Variants in CA10 observed in about 807,000 individuals in gnomAD.
The protein encoded by CA10 is carbonic anhydrase-related protein 10.
A neutral mutation model predicts 44.2 loss-of-function variants in CA10; 14 were observed. The observed-to-expected ratio is 0.32, with a 90% CI of 0.21 to 0.50. The LOEUF (loss-of-function observed/expected upper bound fraction) is 0.50, where lower values mean the gene tolerates loss of function less well. Among genes scored for constraint, CA10 ranks in the 20% least tolerant of loss-of-function variants. The probability of loss-of-function intolerance (pLI) is 0.99; values close to 1 mark genes in which losing one functional copy is unlikely to be tolerated. For synonymous variants in CA10, 159 were observed against 141.6 expected, an observed-to-expected ratio of 1.12 and a Z score of -0.87; for missense variants, 350 against 409.7, an observed-to-expected ratio of 0.85 and a Z score of 1.26.
chr17:51,717,829 G>GTGTGTA (rs1337266806), intron 4 of CA10, among the ~76,000 whole-genome samples: 1 of 7,920 alleles, frequency 1.3e-4, no homozygotes, highest in Non-Finnish European at 2.5e-4. Flanking sequence ...ATATGTGTGT[G>GTGTGTA]TATATATATA....
At chr17:51,889,875 T>C (rs1205014298) in intron 3 of CA10, among the ~76,000 whole-genome samples, 1 of 152,216 alleles carries the variant, frequency 6.6e-6, no homozygotes, top group Non-Finnish European at 1.5e-5. Context: ...TTTCATTAGC[T>C]GAACACCCAC....
chr17:52,112,969 T>A lies in CA10; in HGVS notation c.62-40576A>T, dbSNP rs542123208. Among the ~76,000 whole-genome samples the A allele has an allele frequency of 9.2e-5, 14 of 152,322 alleles. No individual in the cohort carries two copies. The South Asian group carries it at 2.9e-3, about 32-fold the overall frequency. On this transcript the variant is annotated intron_variant, in intron 1 of 8. Transcript: ENST00000451037. ...TTTTCCTCTCTTTATTCTTGGAAGA[T>A]GGCTTCAGTTAAAAAGCTCAAGCAG...
At chr17:51,884,601 G>A (rs963891265) in intron 3 of CA10, among the ~76,000 whole-genome samples, 14 of 152,040 alleles carry the variant, frequency 9.2e-5, no homozygotes, top group African/African-American at 2.9e-4. Flanking sequence ...CTGTATTTCC[G>A]AACCTTTTCA....
chr17:51,875,289 G>T (rs1306306077), intron 3 of CA10, among the ~76,000 whole-genome samples: 2 of 152,110 alleles, frequency 1.3e-5, no homozygotes, highest in Non-Finnish European at 2.9e-5. Flanking sequence ...GGGATTATGG[G>T]TATGAGGCAC....
chr17:51,648,892 G>A (rs560351707), intron 6 of CA10, among the ~76,000 whole-genome samples: 7 of 152,238 alleles, frequency 4.6e-5, no homozygotes, highest in East Asian at 1.9e-4. Context: ...ACGGTGGAGC[G>A]TGTCAGCCAG....
chr17:51,967,179 C>CA (rs1269152904), intron 2 of CA10, among the ~76,000 whole-genome samples: 1 of 151,134 alleles, frequency 6.6e-6, no homozygotes, highest in African/African-American at 2.4e-5. Context: ...ATTAAAAAGC[C>CA]AAAAAACAAT....
At chr17:52,038,464 A>T (rs1271496443) in intron 2 of CA10, among the ~76,000 whole-genome samples, 1 of 152,182 alleles carries the variant, frequency 6.6e-6, no homozygotes, top group Non-Finnish European at 1.5e-5. Context: ...TTCTGATACC[A>T]TGTTGCTTTT....
intron 3 of CA10, among the ~76,000 whole-genome samples, chr17:51,926,961 A>G (rs1256682095): frequency 1.3e-5 from 2 of 152,170 alleles, no homozygotes; most frequent in Non-Finnish European, 2.9e-5. Flanking sequence ...GAACATACGT[A>G]TTTTTCAGAT....
intron 2 of CA10, among the ~76,000 whole-genome samples, chr17:51,959,040 G>C (rs751582666): frequency 3.9e-5 from 6 of 151,912 alleles, no homozygotes; most frequent in Non-Finnish European, 1.5e-5. Flanking sequence ...TAATCCTCCA[G>C]CTTGGACTCT....
At chr17:51,795,848 A>T (rs1906684677) in intron 3 of CA10, among the ~76,000 whole-genome samples, 1 of 152,236 alleles carries the variant, frequency 6.6e-6, no homozygotes, top group Admixed American at 6.5e-5. Context: ...GAGTGTCCAC[A>T]TACTAATGCT....
At chr17:51,750,869 A>G (rs1800356215) in intron 3 of CA10, among the ~76,000 whole-genome samples, 1 of 152,222 alleles carries the variant, frequency 6.6e-6, no homozygotes. Flanking sequence ...TGTCTGTCTA[A>G]TGTTCTCAAG....
chr17:52,137,518 G>T (rs1165177944), intron 1 of CA10, among the ~76,000 whole-genome samples: 2 of 152,152 alleles, frequency 1.3e-5, no homozygotes, highest in African/African-American at 4.8e-5. Flanking sequence ...GATTTGATAT[G>T]AAGAGACAAC....
chr17:51,646,866 C>A (rs1329119458), intron 6 of CA10, among the ~76,000 whole-genome samples: 1 of 152,216 alleles, frequency 6.6e-6, no homozygotes, highest in African/African-American at 2.4e-5. Context: ...AGTGCTGCTC[C>A]CTTCAGGTAT....
chr17:51,630,424 T>C lies in CA10; in HGVS notation c.*1160A>G, dbSNP rs890211644. On this transcript the variant is annotated 3_prime_UTR_variant, in exon 9 of 9. Transcript: ENST00000451037. ...CATTCGTTTTGTACTTTGTGAGATCTGGCTGCACCTGGAGAGAAAACATAC... is the reference window on the plus strand; with the variant it reads ...CATTCGTTTTGTACTTTGTGAGATCCGGCTGCACCTGGAGAGAAAACATAC... The C allele has an allele frequency of 6.5e-5, 10 of 152,676 alleles. No homozygotes were observed. Among genetic ancestry groups the C allele is most frequent in the Admixed American group, 4.6e-4 (7 of 15,284 alleles). The allele number at this position is 152,676 out of a possible 1,614,324, so 9.5% of individuals were successfully genotyped here.
At chr17:51,839,414 A>G (rs1978300548) in intron 3 of CA10, among the ~76,000 whole-genome samples, 1 of 146,804 alleles carries the variant, frequency 6.8e-6, no homozygotes, top group African/African-American at 2.5e-5. Flanking sequence ...AATGGCATGA[A>G]CCTGGGAGGC....
chr17:52,004,643 A>G (rs561252011), intron 2 of CA10, among the ~76,000 whole-genome samples: 6 of 152,058 alleles, frequency 3.9e-5, no homozygotes, highest in South Asian at 2.1e-4. Flanking sequence ...CATTATTAGT[A>G]CACATGACAT....
At chr17:51,714,836 C>G (rs182513943) in intron 4 of CA10, among the ~76,000 whole-genome samples, 1 of 152,164 alleles carries the variant, frequency 6.6e-6, no homozygotes, top group East Asian at 1.9e-4. Context: ...TTGGAAATTA[C>G]GGCTCTTCCT....
chr17:52,077,631 G>A (rs1477420979), intron 1 of CA10, among the ~76,000 whole-genome samples: 15 of 144,352 alleles, frequency 1.0e-4, no homozygotes, highest in Admixed American at 9.7e-4. Flanking sequence ...TCAGAAGTGA[G>A]CTACTTTACA....
chr17:52,058,964 C>T (rs1290309689), intron 2 of CA10, among the ~76,000 whole-genome samples: 2 of 152,098 alleles, frequency 1.3e-5, no homozygotes, highest in Non-Finnish European at 2.9e-5. Flanking sequence ...TCTGGCACAT[C>T]AGGCTCTGAG....
Sources: gnomAD v4.1 joint callset for allele counts (sites outside exome capture counted in the v4.1 genomes callset) on GRCh38, gnomAD v4.1.1 for gene constraint, MANE v1.5 for transcripts, NCBI Gene and HGNC (gene_info 2026-07-23, HGNC 2026-07-21) for gene names.